BRINP1: variants seen among roughly 807,000 people sequenced by gnomAD.
BRINP1 encodes the protein BMP/retinoic acid-inducible neural-specific protein 1.
Under a neutral mutation model 72.9 loss-of-function variants are expected in BRINP1, and 17 were observed. The observed-to-expected ratio is 0.23, with a 90% CI of 0.16 to 0.35. BRINP1 has a LOEUF of 0.35. Among genes scored for constraint, BRINP1 ranks in the 10% least tolerant of loss-of-function variants. The pLI is 1.00. For synonymous variants in BRINP1, 418 were observed against 378.5 expected, an observed-to-expected ratio of 1.10 and a Z score of -1.21; for missense variants, 850 against 1,001.6, an observed-to-expected ratio of 0.85 and a Z score of 2.04.
At chr9:119,185,655 T>C (rs900703164) in intron 7 of BRINP1, among the ~76,000 whole-genome samples, 7 of 152,156 alleles carry the variant, frequency 4.6e-5, no homozygotes, top group African/African-American at 1.7e-4. Flanking sequence ...GATGACTCTA[T>C]AGAGAAGGAA....
chr9:119,357,547 G>A (rs992031077), intron 1 of BRINP1, among the ~76,000 whole-genome samples: 12 of 152,148 alleles, frequency 7.9e-5, no homozygotes, highest in Non-Finnish European at 1.8e-4. Context: ...ATTTCCTGCC[G>A]AGGCACTGTG....
At position 119,193,147 on chromosome 9, in the gene BRINP1, A is replaced by T. The variant is rs116787574; in HGVS notation, c.1145+15572T>A. On this transcript the variant is annotated intron_variant, in intron 7 of 7. Coordinates refer to ENST00000265922, the MANE Select transcript of BRINP1 (RefSeq NM_014618.3). ...ATTATTGCATTGTTATTTTATTAAAATTTTTTTTATCGATAGTTGGTTGAA... is the reference window on the plus strand; with the variant it reads ...ATTATTGCATTGTTATTTTATTAAATTTTTTTTTATCGATAGTTGGTTGAA... Among the ~76,000 whole-genome samples the T allele has an allele frequency of 4.3e-3, 659 of 152,046 alleles. 1 individual carries two copies. Among genetic ancestry groups the T allele is most frequent in the African/African-American group, 0.015 (611 of 41,514 alleles).
chr9:119,335,290 C>G (rs993423903), intron 1 of BRINP1, among the ~76,000 whole-genome samples: 1 of 152,144 alleles, frequency 6.6e-6, no homozygotes, highest in Non-Finnish European at 1.5e-5. Flanking sequence ...CAGGGCCCAG[C>G]TAGGTTTCTA....
intron 4 of BRINP1, among the ~76,000 whole-genome samples, chr9:119,239,361 G>T (rs781706423): frequency 6.6e-6 from 1 of 152,220 alleles, no homozygotes; most frequent in South Asian, 2.1e-4. Context: ...AAGAAGCATT[G>T]TGCTGCCACA....
chr9:119,271,813 G>C lies in BRINP1; in HGVS notation c.219-22663C>G, dbSNP rs575095984. On this transcript the variant is annotated intron_variant, in intron 2 of 7. Transcript: ENST00000265922. ...CATTTTTTTTTAAACACACAAACAC[G>C]TGCAAATTTATTTCTGGAGAGAATT... Among the ~76,000 whole-genome samples, 9 of 151,562 alleles carry C rather than the reference G, an allele frequency of 5.9e-5. No homozygotes were observed. The South Asian group carries it at 1.0e-3, about 18-fold the overall frequency.
chr9:119,278,998 C>T (rs948912522), intron 2 of BRINP1, among the ~76,000 whole-genome samples: 20 of 152,190 alleles, frequency 1.3e-4, no homozygotes, highest in African/African-American at 4.8e-4. Flanking sequence ...AGATATAATA[C>T]TTTACTTCCA....
At chr9:119,215,881 G>C (rs1829971666) in intron 5 of BRINP1, among the ~76,000 whole-genome samples, 1 of 152,012 alleles carries the variant, frequency 6.6e-6, no homozygotes, top group Admixed American at 6.5e-5. Context: ...TCAAAAACCT[G>C]GGCAGGGCTG....
intron 1 of BRINP1, among the ~76,000 whole-genome samples, chr9:119,314,388 C>T (rs2010819): frequency 0.39 from 58,788 of 151,934 alleles, 11,898 homozygotes; most frequent in Non-Finnish European, 0.44. Context: ...TTGTTTGAGA[C>T]GGAGTCTCAC....
At chr9:119,262,707 C>T (rs1050211801) in intron 2 of BRINP1, among the ~76,000 whole-genome samples, 28 of 149,802 alleles carry the variant, frequency 1.9e-4, no homozygotes, top group African/African-American at 6.6e-4. Context: ...GGACTGTGGG[C>T]ACAGGCATAT....
At chr9:119,367,170 A>G (rs539244234) in intron 1 of BRINP1, among the ~76,000 whole-genome samples, 2 of 128,874 alleles carry the variant, frequency 1.6e-5, no homozygotes, top group East Asian at 3.0e-4. Context: ...GTTTGCTTTT[A>G]TCTCTCCCCA....
At chr9:119,238,847 G>A in intron 4 of BRINP1, 87 bp from the exon 5 acceptor site, 1 of 868,878 alleles carries the variant, frequency 1.2e-6, no homozygotes, top group Non-Finnish European at 1.8e-6. Flanking sequence ...GCAGAGCAAA[G>A]CCTGCAGAAA....
intron 1 of BRINP1, among the ~76,000 whole-genome samples, chr9:119,338,584 G>A (rs1831373863): frequency 6.6e-6 from 1 of 151,746 alleles, no homozygotes; most frequent in African/African-American, 2.4e-5. Flanking sequence ...AAAAACAGGC[G>A]GGGTGGGGGC....
intron 2 of BRINP1, among the ~76,000 whole-genome samples, chr9:119,250,318 G>A (rs980436708): frequency 6.6e-6 from 1 of 152,172 alleles, no homozygotes; most frequent in African/African-American, 2.4e-5. Flanking sequence ...AAGCAATTAA[G>A]CTATGTTCCA....
chr9:119,206,376 C>T (rs1179943746), intron 7 of BRINP1, among the ~76,000 whole-genome samples: 6 of 137,816 alleles, frequency 4.4e-5, no homozygotes, highest in East Asian at 2.1e-4. Context: ...ACCAAGATAG[C>T]GACACTGCAC....
intron 1 of BRINP1, among the ~76,000 whole-genome samples, chr9:119,316,342 C>T (rs949808954): frequency 1.3e-5 from 2 of 152,198 alleles, no homozygotes; most frequent in Admixed American, 6.5e-5. Flanking sequence ...CCCGCCTCAG[C>T]CTCCCAAAGT....
intron 1 of BRINP1, among the ~76,000 whole-genome samples, chr9:119,352,511 G>T (rs1467653527): frequency 6.6e-6 from 1 of 152,020 alleles, no homozygotes; most frequent in East Asian, 1.9e-4. Context: ...TCAGCTCACT[G>T]AACCTCCTGC....
At chr9:119,200,417 T>C (rs1310252591) in intron 7 of BRINP1, among the ~76,000 whole-genome samples, 1 of 151,820 alleles carries the variant, frequency 6.6e-6, no homozygotes, top group Non-Finnish European at 1.5e-5. Context: ...AGTCCAGAAG[T>C]TTGAGACCAA....
At chr9:119,367,559 C>T (rs1831708610) in intron 1 of BRINP1, among the ~76,000 whole-genome samples, 1 of 152,108 alleles carries the variant, frequency 6.6e-6, no homozygotes, top group Admixed American at 6.5e-5. Context: ...CCAACAGTAC[C>T]AAGCCAGGGT....
intron 1 of BRINP1, among the ~76,000 whole-genome samples, chr9:119,367,783 T>A (rs1831710813): frequency 6.6e-6 from 1 of 152,156 alleles, no homozygotes; most frequent in Admixed American, 6.5e-5. Context: ...ACAGCCCCTT[T>A]TCAAATTGTA....
Sources: gnomAD v4.1 joint callset for allele counts (sites outside exome capture counted in the v4.1 genomes callset) on GRCh38, gnomAD v4.1.1 for gene constraint, MANE v1.5 for transcripts, NCBI Gene and HGNC (gene_info 2026-07-23, HGNC 2026-07-21) for gene names.